Variants in TGFA observed in about 807,000 individuals in gnomAD.
The protein encoded by TGFA is protransforming growth factor alpha.
In TGFA, 12 loss-of-function variants were observed where a neutral mutation model predicts 21.7. The observed-to-expected ratio is 0.55, with a 90% CI of 0.35 to 0.90. TGFA has a LOEUF of 0.90. Ranked by LOEUF, TGFA falls within the 40% of genes least tolerant of loss-of-function variation. The pLI is 0.01. For synonymous variants in TGFA, 79 were observed against 88.1 expected (o/e 0.90, Z 0.58); for missense variants, 178 against 210.8 (o/e 0.84, Z 0.96).
intron 2 of TGFA, among the ~76,000 whole-genome samples, chr2:70,503,271 G>A (rs1439986023): frequency 1.3e-5 from 2 of 152,100 alleles, no homozygotes; most frequent in Admixed American, 1.3e-4. Context: ...CATGTCCTTT[G>A]TAGGGACATG....
Position 70,528,135 on chromosome 2 carries a change from C to G in TGFA, c.41-13223G>C, listed in dbSNP as rs1672695459. Among the ~76,000 whole-genome samples, 3 of 152,210 alleles carry G rather than the reference C, an allele frequency of 2.0e-5. No individual in the cohort carries two copies. The South Asian group carries it at 6.2e-4, about 32-fold the overall frequency. ...AGGGCAGAAGCACGCTTATTTCTCA[C>G]CTATGGTGAAATGTGTTGAAGGGCT... On this transcript the variant is annotated intron_variant, in intron 1 of 5. Coordinates refer to ENST00000295400, the MANE Select transcript of TGFA (RefSeq NM_003236.4).
intron 1 of TGFA, among the ~76,000 whole-genome samples, chr2:70,547,715 T>C (rs1281652713): frequency 4.7e-5 from 7 of 148,144 alleles, no homozygotes; most frequent in Non-Finnish European, 1.0e-4. Flanking sequence ...ATAGATAGTA[T>C]ACTATCTATA....
intron 5 of TGFA, among the ~76,000 whole-genome samples, chr2:70,452,702 G>A (rs558078343): frequency 2.6e-5 from 4 of 152,288 alleles, no homozygotes; most frequent in African/African-American, 7.2e-5. Context: ...AGCACTTTGG[G>A]AGGCCGAGGC....
At chr2:70,521,429 G>C (rs1320210709) in intron 1 of TGFA, among the ~76,000 whole-genome samples, 1 of 152,082 alleles carries the variant, frequency 6.6e-6, no homozygotes, top group Non-Finnish European at 1.5e-5. Context: ...GCTGACTTTA[G>C]TTTAGTTGCC....
chr2:70,484,053 T>A (rs1671202880), intron 2 of TGFA, among the ~76,000 whole-genome samples: 2 of 152,220 alleles, frequency 1.3e-5, no homozygotes, highest in South Asian at 4.1e-4. Flanking sequence ...GGATCACATG[T>A]GGTTTTACCC....
At chr2:70,539,396 G>GA (rs111958665) in intron 1 of TGFA, among the ~76,000 whole-genome samples, 86,373 of 151,264 alleles carry the variant, frequency 0.57, 24,711 homozygotes, top group South Asian at 0.6. Flanking sequence ...TCCAATGGAA[G>GA]AAAAAAAAAT....
Position 70,448,162 on chromosome 2 carries a change from C to T in TGFA, c.*2697G>A, listed in dbSNP as rs781992961. ...TGGCTTGGTTCCACGTGTGTCCAGC[C>T]GGGGCCCTGTCTTCCAGATCAGGGT... On this transcript the variant is annotated 3_prime_UTR_variant, in exon 6 of 6. Coordinates refer to ENST00000295400, the MANE Select transcript of TGFA (RefSeq NM_003236.4). 8.5e-5 allele frequency: 13 copies of T among 152,278 alleles called. No homozygotes were observed. The highest frequency in any genetic ancestry group is 2.0e-4 in the Admixed American group (3 of 15,300). The allele number at this position is 152,278 out of a possible 1,614,324, so 9.4% of individuals were successfully genotyped here.
At position 70,553,770 on chromosome 2, in the gene TGFA, T is replaced by C; in HGVS notation, c.-3A>G. The stretch of plus-strand genomic sequence containing the variant: ...AGCTGTCCAGCCGAGGGGACCATTT[T>C]ACGGGCGGGCGGGCAGCAGGCTCTC... On this transcript the variant is annotated 5_prime_UTR_variant, in exon 1 of 6. Coordinates refer to ENST00000295400, the MANE Select transcript of TGFA (RefSeq NM_003236.4). 7.8e-7 allele frequency: 1 copy of C among 1,281,390 alleles called. No homozygotes were observed. Among genetic ancestry groups the C allele is most frequent in the Non-Finnish European group, 9.9e-7 (1 of 1,006,962 alleles). 79.4% of individuals were successfully genotyped at this position (1,281,390 alleles called of 1,614,324 possible). A position where few individuals can be genotyped will look rare whatever the true frequency, so the allele number is the denominator to read the frequency against.
chr2:70,529,587 A>ATCCC (rs1346452290), intron 1 of TGFA, among the ~76,000 whole-genome samples: 1 of 116,514 alleles, frequency 8.6e-6, no homozygotes, highest in Non-Finnish European at 1.9e-5. Context: ...TGAGGAGTGA[A>ATCCC]TCCCCCCGCC....
intron 1 of TGFA, among the ~76,000 whole-genome samples, chr2:70,544,192 A>C (rs1452034038): frequency 6.6e-6 from 1 of 152,098 alleles, no homozygotes; most frequent in African/African-American, 2.4e-5. Context: ...TAAATGCGCA[A>C]ACATTACCCG....
chr2:70,533,376 G>T (rs544905686), intron 1 of TGFA, among the ~76,000 whole-genome samples: 9 of 152,034 alleles, frequency 5.9e-5, no homozygotes, highest in African/African-American at 1.9e-4. Flanking sequence ...CATCAATCAG[G>T]TGAGGAAGAA....
intron 2 of TGFA, among the ~76,000 whole-genome samples, chr2:70,482,326 T>C (rs1553495762): frequency 6.6e-6 from 1 of 152,194 alleles, no homozygotes; most frequent in Non-Finnish European, 1.5e-5. Context: ...TTAGAGAGGT[T>C]AAAAGCCTTG....
intron 2 of TGFA, among the ~76,000 whole-genome samples, chr2:70,499,440 G>T (rs1671673371): frequency 6.6e-6 from 1 of 152,202 alleles, no homozygotes; most frequent in Non-Finnish European, 1.5e-5. Flanking sequence ...AGTTAAACCT[G>T]CTGTTAAGCC....
At chr2:70,551,740 A>T (rs918767004) in intron 1 of TGFA, among the ~76,000 whole-genome samples, 1 of 151,710 alleles carries the variant, frequency 6.6e-6, no homozygotes, top group Non-Finnish European at 1.5e-5. Context: ...AACTGCTCAC[A>T]TTTTGGAACT....
intron 5 of TGFA, among the ~76,000 whole-genome samples, chr2:70,451,105 T>C (rs1553489560): frequency 6.6e-6 from 1 of 151,486 alleles, no homozygotes; most frequent in Non-Finnish European, 1.5e-5. Flanking sequence ...GAGTGAGTGA[T>C]AGCAGAAGGA....
At chr2:70,498,811 T>A (rs1199035451) in intron 2 of TGFA, among the ~76,000 whole-genome samples, 3 of 152,202 alleles carry the variant, frequency 2.0e-5, no homozygotes, top group Admixed American at 2.0e-4. Flanking sequence ...CTTTACTGCC[T>A]TCAACAGACA....
intron 1 of TGFA, among the ~76,000 whole-genome samples, chr2:70,523,340 TC>T (rs1553502573): frequency 1.3e-5 from 2 of 152,174 alleles, no homozygotes; most frequent in Non-Finnish European, 2.9e-5. Context: ...GAATGTTGTG[TC>T]CCAGGGCTCT....
intron 2 of TGFA, among the ~76,000 whole-genome samples, chr2:70,482,501 T>C (rs1671154759): frequency 6.6e-6 from 1 of 152,188 alleles, no homozygotes; most frequent in African/African-American, 2.4e-5. Flanking sequence ...TCTCCATCAA[T>C]TTTGCCAGCA....
intron 1 of TGFA, among the ~76,000 whole-genome samples, chr2:70,545,123 G>T (rs1673253672): frequency 6.6e-6 from 1 of 151,754 alleles, no homozygotes; most frequent in Non-Finnish European, 1.5e-5. Flanking sequence ...AAATATCTCA[G>T]GTACCCTATA....
Sources: gnomAD v4.1 joint callset for allele counts (sites outside exome capture counted in the v4.1 genomes callset) on GRCh38, gnomAD v4.1.1 for gene constraint, MANE v1.5 for transcripts, NCBI Gene and HGNC (gene_info 2026-07-23, HGNC 2026-07-21) for gene names.